The following SLC44A1 variants were observed in gnomAD, a reference collection of about 807,000 sequenced individuals.
SLC44A1 encodes solute carrier family 44 member 1.
Under a neutral mutation model 79.3 loss-of-function variants are expected in SLC44A1, and 26 were observed. The observed-to-expected ratio is 0.33, with a 90% confidence interval of 0.24 to 0.46. The LOEUF (loss-of-function observed/expected upper bound fraction) is 0.46. SLC44A1 is among the 20% of genes least tolerant of loss of function. The pLI, the probability that SLC44A1 is intolerant of heterozygous loss-of-function variation, is 1.00. For synonymous variants in SLC44A1, 263 were observed against 286.2 expected, an observed-to-expected ratio of 0.92 and a Z score of 0.82; for missense variants, 688 against 798.1, an observed-to-expected ratio of 0.86 and a Z score of 1.66.
intron 15 of SLC44A1, among the ~76,000 whole-genome samples, chr9:105,428,608 A>T (rs910391065): frequency 2.6e-5 from 4 of 152,256 alleles, no homozygotes; most frequent in African/African-American, 9.6e-5. Context: ...CTGAGTATGC[A>T]GAACAGTCAG....
chr9:105,382,608 CATAAA>C (rs1431827196), intron 13 of SLC44A1, among the ~76,000 whole-genome samples: 3 of 152,098 alleles, frequency 2.0e-5, no homozygotes, highest in Non-Finnish European at 1.5e-5. Flanking sequence ...TTAAATCACT[CATAAA>C]ATGAAATTAT....
intron 1 of SLC44A1, among the ~76,000 whole-genome samples, chr9:105,248,999 G>C (rs774637451): frequency 1.3e-5 from 2 of 152,160 alleles, no homozygotes; most frequent in Non-Finnish European, 2.9e-5. Context: ...GTGTCCTTCA[G>C]TTCTAACCTT....
At chr9:105,323,538 T>G (rs1432183951) in intron 3 of SLC44A1, among the ~76,000 whole-genome samples, 1 of 152,210 alleles carries the variant, frequency 6.6e-6, no homozygotes, top group Non-Finnish European at 1.5e-5. Context: ...TGTATACTCC[T>G]TAGCACAGTG....
At chr9:105,264,901 A>T (rs1829924653) in intron 1 of SLC44A1, among the ~76,000 whole-genome samples, 1 of 151,320 alleles carries the variant, frequency 6.6e-6, no homozygotes, top group African/African-American at 2.4e-5. Flanking sequence ...GGTTCAAGTG[A>T]TTCTCCTGCC....
chr9:105,278,309 T>C (rs1038555619), intron 1 of SLC44A1, among the ~76,000 whole-genome samples: 5 of 152,100 alleles, frequency 3.3e-5, no homozygotes, highest in African/African-American at 1.2e-4. Flanking sequence ...AGTGCAGTGG[T>C]GCGGTCTTGG....
chr9:105,266,917 T>C (rs181614271), intron 1 of SLC44A1, among the ~76,000 whole-genome samples: 4 of 152,358 alleles, frequency 2.6e-5, no homozygotes, highest in Admixed American at 2.6e-4. Flanking sequence ...GTCAAATTAA[T>C]ACTGAGTCTT....
At chr9:105,434,103 C>A (rs563112465) in intron 15 of SLC44A1, among the ~76,000 whole-genome samples, 1 of 152,204 alleles carries the variant, frequency 6.6e-6, no homozygotes, top group African/African-American at 2.4e-5. Flanking sequence ...TTTGGGAGGC[C>A]AAGGCGGACG....
In SLC44A1 at chr9:105,361,321, A is replaced by G. The variant is rs1456599833; in HGVS notation, c.891A>G (p.Thr297=). ...TCCTCATTTATGCCATTTCAGCTAC[A>G]GTGTTCACAGTGAGTTTAGGCTTTG... is the stretch of plus-strand genomic sequence containing the variant. ...RALLIYAISA[T]VFTVILFLIM... is the part of the protein sequence containing the mutation. Residue 297 remains threonine (T), a synonymous_variant, in exon 8 of 16, where the codon ACA becomes ACG. Coordinates refer to ENST00000374720, the MANE Select transcript of SLC44A1 (RefSeq NM_080546.5). 3.1e-6 allele frequency: 5 copies of G among 1,603,468 alleles called. No individual in the cohort carries two copies. The highest frequency in any genetic ancestry group is 4.3e-6 in the Non-Finnish European group (5 of 1,175,736).
downstream of SLC44A1, among the ~76,000 whole-genome samples, chr9:105,401,365 A>G (rs1828955283): frequency 6.6e-6 from 1 of 152,228 alleles, no homozygotes; most frequent in South Asian, 2.1e-4. Context: ...AGTGGAATAG[A>G]AGAGAAAGTT....
intron 5 of SLC44A1, chr9:105,355,970 G>A (rs1332711028): frequency 2.2e-5 from 11 of 493,088 alleles, no homozygotes; most frequent in Admixed American, 1.2e-4. Context: ...CAGAAGGGGC[G>A]GGTAATGTCT....
intron 1 of SLC44A1, among the ~76,000 whole-genome samples, chr9:105,263,202 A>G (rs1177715325): frequency 6.6e-6 from 1 of 152,224 alleles, no homozygotes; most frequent in African/African-American, 2.4e-5. Context: ...AAACACTTCC[A>G]GCAACAGATA....
At chr9:105,384,777 T>A (rs1006244690) in intron 14 of SLC44A1, among the ~76,000 whole-genome samples, 2 of 152,220 alleles carry the variant, frequency 1.3e-5, no homozygotes, top group Admixed American at 6.5e-5. Flanking sequence ...GGATATTTAA[T>A]GAAGAAGTTC....
chr9:105,397,129 G>A lies in SLC44A1; in HGVS notation c.*8073G>A. The A allele has an allele frequency of 1.0e-6, 1 of 985,392 alleles. No homozygotes were observed. Among genetic ancestry groups the A allele is most frequent in the Non-Finnish European group, 1.2e-6 (1 of 829,928 alleles). The allele number at this position is 985,392 out of a possible 1,614,324, so 61.0% of individuals were successfully genotyped here. On this transcript the variant is annotated 3_prime_UTR_variant, in exon 16 of 16. Transcript: ENST00000374720. ...ACTTCCAAGAGCTCTGAATTGGATG[G>A]AATTCCATCTGGCTTCAGAGAACAA...
In SLC44A1 at chr9:105,250,482, C is replaced by T. The variant is rs143781686; in HGVS notation, c.36+5578C>T. On this transcript the variant is annotated intron_variant, in intron 1 of 15. Transcript: ENST00000374720. Reference sequence around the variant, plus strand: ...AGTTGTTTTTCTATGCTCCCCTTTCCCCTGCTCAAACTGCAAAGAAAGAAT... The same window carrying T: ...AGTTGTTTTTCTATGCTCCCCTTTCTCCTGCTCAAACTGCAAAGAAAGAAT... Among the ~76,000 whole-genome samples the T allele has an allele frequency of 8.4e-4, 128 of 152,286 alleles. 1 individual carries two copies. The Middle Eastern group carries it at 0.01, about 12-fold the overall frequency.
chr9:105,419,914 C>CAAAAAAAAAAAAAAAAAAAAA (rs59244219), intron 15 of SLC44A1, among the ~76,000 whole-genome samples: 1 of 53,430 alleles, frequency 1.9e-5, no homozygotes. Context: ...AACTCTGTCT[C>CAAAAAAAAAAAAAAAAAAAAA]AAAAAAAAAA....
intron 15 of SLC44A1, among the ~76,000 whole-genome samples, chr9:105,413,356 A>C (rs1373179775): frequency 2.6e-5 from 4 of 152,212 alleles, no homozygotes; most frequent in Non-Finnish European, 2.9e-5. Context: ...ATGAGATATA[A>C]GCTGAAGAAT....
At chr9:105,324,106 A>G (rs1826492206) in intron 3 of SLC44A1, among the ~76,000 whole-genome samples, 2 of 152,118 alleles carry the variant, frequency 1.3e-5, no homozygotes, top group Middle Eastern at 3.4e-3. Context: ...GATTCACGCC[A>G]TTCTCCTGCC....
In SLC44A1 at chr9:105,385,616, G is replaced by A. The variant is rs142344329; in HGVS notation, c.1950+114G>A. The A allele has an allele frequency of 6.0e-4, 888 of 1,487,740 alleles. 4 individuals are homozygous for A. In the East Asian group the frequency reaches 8.2e-3, roughly 14 times the overall value. The allele number at this position is 1,487,740 out of a possible 1,614,324, so 92.2% of individuals were successfully genotyped here. On this transcript the variant is annotated intron_variant, in intron 15 of 15. Coordinates refer to ENST00000374720, the MANE Select transcript of SLC44A1 (RefSeq NM_080546.5). The stretch of plus-strand genomic sequence containing the variant: ...GAGAAGCTTTTGTTATCTGTATCAC[G>A]CAGGACATGCTGCTCTTTCTGTTTG...
In SLC44A1 at chr9:105,356,259, G is replaced by A. The variant is rs1420357490; in HGVS notation, c.548G>A (p.Cys183Tyr). The change falls in exon 6 of 16, where the codon TGC becomes TAC. Residue 183 changes from cysteine (C) to tyrosine (Y), a missense_variant. Coordinates refer to ENST00000374720, the MANE Select transcript of SLC44A1 (RefSeq NM_080546.5). The part of the protein sequence containing the change: ...FHRCAPVNIS[C>Y]YAKFAEALIT... ...CGCTGTGCTCCTGTGAACATTTCCT[G>A]CTATGCCAAGTTTGCAGAGGCCCTG... The A allele has an allele frequency of 6.2e-7, 1 of 1,613,428 alleles. No individual in the cohort carries two copies. Among genetic ancestry groups the A allele is most frequent in the Admixed American group, 1.7e-5 (1 of 59,906 alleles).
Sources: gnomAD v4.1 joint callset for allele counts (sites outside exome capture counted in the v4.1 genomes callset) on GRCh38, gnomAD v4.1.1 for gene constraint, MANE v1.5 for transcripts, NCBI Gene and HGNC (gene_info 2026-07-23, HGNC 2026-07-21) for gene names.